CCDC102B: variants seen among roughly 807,000 people sequenced by gnomAD.
The protein encoded by CCDC102B is coiled-coil domain containing 102B, also known as coiled-coil domain-containing protein 102B.
A neutral mutation model predicts 57.4 loss-of-function variants in CCDC102B; 75 were observed. The ratio of observed to expected loss-of-function variants is 1.31; its 90% CI spans 1.08 to 1.58. The LOEUF (loss-of-function observed/expected upper bound fraction) is 1.58, where lower values mean the gene tolerates loss of function less well. Among genes scored for constraint, CCDC102B ranks in the 40% most tolerant of loss-of-function variants. The pLI is 0.00. For missense variants in CCDC102B, 636 were observed against 582.6 expected, an observed-to-expected ratio of 1.09 and a Z score of -0.94; for synonymous variants, 206 against 201.9, an observed-to-expected ratio of 1.02 and a Z score of -0.17.
chr18:68,816,459 CTTTTT>C (rs869077830), intron 1 of CCDC102B, among the ~76,000 whole-genome samples: 81 of 100,594 alleles, frequency 8.1e-4, no homozygotes, highest in African/African-American at 2.6e-3. Flanking sequence ...TATTTCCTTT[CTTTTT>C]TTTTTTTTTT....
At chr18:69,030,731 T>A (rs2052117355) in intron 7 of CCDC102B, among the ~76,000 whole-genome samples, 2 of 152,204 alleles carry the variant, frequency 1.3e-5, no homozygotes, top group South Asian at 4.1e-4. Flanking sequence ...CTCGGCTCAC[T>A]GCAACCTCCA....
At chr18:68,855,081 C>A (rs577962982) in intron 4 of CCDC102B, among the ~76,000 whole-genome samples, 1 of 152,082 alleles carries the variant, frequency 6.6e-6, no homozygotes, top group East Asian at 1.9e-4. Flanking sequence ...TTTAAGACAC[C>A]CCATTAGCAA....
chr18:68,880,357 G>A lies in CCDC102B; in HGVS notation c.1053+5572G>A, dbSNP rs553130013. Among the ~76,000 whole-genome samples, 140 of 152,310 alleles carry A rather than the reference G, an allele frequency of 9.2e-4. 1 individual carries two copies. The highest frequency in any genetic ancestry group is 2.8e-3 in the African/African-American group (115 of 41,584). Reference sequence around the variant, plus strand: ...GCCCGCAAGCACCGCGCGCAGCCCCGGTTCCTGCTCGTGCCTCTCCCTCCA... The same window carrying A: ...GCCCGCAAGCACCGCGCGCAGCCCCAGTTCCTGCTCGTGCCTCTCCCTCCA... On this transcript the variant is annotated intron_variant, in intron 5 of 7. Transcript: ENST00000360242.
At chr18:69,001,174 T>A (rs1004323084) in intron 6 of CCDC102B, among the ~76,000 whole-genome samples, 13 of 152,192 alleles carry the variant, frequency 8.5e-5, no homozygotes, top group Admixed American at 2.6e-4. Flanking sequence ...TCACAATTTT[T>A]ACTCATATTT....
At chr18:68,753,095 G>A (rs1034175588) in intron 2 of CCDC102B, 1 of 151,768 alleles carries the variant, frequency 6.6e-6, no homozygotes, top group African/African-American at 2.4e-5. Context: ...ATATTGTCTA[G>A]TATGTTTATC....
At chr18:68,935,920 C>A (rs1308293578) in intron 6 of CCDC102B, among the ~76,000 whole-genome samples, 1 of 151,874 alleles carries the variant, frequency 6.6e-6, no homozygotes, top group Non-Finnish European at 1.5e-5. Flanking sequence ...CATGTTCATG[C>A]CCCTTCTGCT....
In CCDC102B at chr18:68,763,320, C is replaced by T. The variant is rs1676844; in HGVS notation, c.-67+46726C>T. The stretch of plus-strand genomic sequence containing the variant: ...GGAAAGGGCGCCTGCAATATTTAGA[C>T]GGATTTTTAAAATAAGCTAGATGGA... On this transcript the variant is annotated intron_variant, in intron 2 of 3. Coordinates refer to the CCDC102B transcript ENST00000578970. 8.5e-3 allele frequency among the ~76,000 whole-genome samples: 1,294 copies of T among 152,148 alleles called. 10 individuals are homozygous for T. The highest frequency in any genetic ancestry group is 0.043 in the East Asian group (221 of 5,134).
chr18:68,791,969 G>A (rs1479392333), intron 2 of CCDC102B, among the ~76,000 whole-genome samples: 6 of 152,138 alleles, frequency 3.9e-5, no homozygotes, highest in African/African-American at 1.4e-4. Flanking sequence ...ACAACTAAAT[G>A]TGCTACTGGT....
chr18:68,849,599 G>A (rs115000153), intron 4 of CCDC102B, among the ~76,000 whole-genome samples: 22 of 151,992 alleles, frequency 1.4e-4, no homozygotes, highest in African/African-American at 5.1e-4. Flanking sequence ...ACATTACATC[G>A]GATCGTATTA....
intron 3 of CCDC102B, among the ~76,000 whole-genome samples, chr18:68,840,533 A>G (rs2037582978): frequency 6.6e-6 from 1 of 152,210 alleles, no homozygotes; most frequent in Admixed American, 6.5e-5. Flanking sequence ...TAAATTCCTA[A>G]TAGAGGCAAC....
At chr18:69,040,421 T>C (rs1170757091) in intron 7 of CCDC102B, among the ~76,000 whole-genome samples, 2 of 768 alleles carry the variant, frequency 2.6e-3, no homozygotes, top group Non-Finnish European at 3.6e-3. Flanking sequence ...TGTGTGTGTA[T>C]GTGTGTGTGT....
chr18:69,001,084 A>C (rs1294497196), intron 6 of CCDC102B, among the ~76,000 whole-genome samples: 1 of 152,098 alleles, frequency 6.6e-6, no homozygotes, highest in Non-Finnish European at 1.5e-5. Flanking sequence ...TCAATACATC[A>C]TGCTCTTTCT....
chr18:68,797,433 C>T (rs1287731734), upstream of CCDC102B, among the ~76,000 whole-genome samples: 3 of 151,934 alleles, frequency 2.0e-5, no homozygotes, highest in Admixed American at 6.6e-5. Context: ...CCCCCCTCAA[C>T]CCCCATCAGA....
At chr18:68,920,800 C>T (rs1451761519) in intron 6 of CCDC102B, among the ~76,000 whole-genome samples, 1 of 152,046 alleles carries the variant, frequency 6.6e-6, no homozygotes, top group Non-Finnish European at 1.5e-5. Context: ...ATCACAAGGA[C>T]CACATAGGGG....
chr18:68,956,295 T>G (rs2049844344), intron 6 of CCDC102B, among the ~76,000 whole-genome samples: 1 of 121,952 alleles, frequency 8.2e-6, no homozygotes, highest in Non-Finnish European at 1.6e-5. Flanking sequence ...ATCTCTTTGA[T>G]ATGCTGATTT....
intron 6 of CCDC102B, among the ~76,000 whole-genome samples, chr18:68,984,884 T>G (rs78601093): frequency 0.016 from 2,383 of 152,274 alleles, 49 homozygotes; most frequent in East Asian, 0.099. Flanking sequence ...AAATTCCTTA[T>G]CTAATGGATT....
At chr18:68,786,251 C>T (rs1281440003) in intron 2 of CCDC102B, among the ~76,000 whole-genome samples, 1 of 152,088 alleles carries the variant, frequency 6.6e-6, no homozygotes, top group Non-Finnish European at 1.5e-5. Context: ...ATAGTTTGTT[C>T]AGGTAGTGTG....
chr18:68,947,941 C>G (rs1312278502), intron 6 of CCDC102B, among the ~76,000 whole-genome samples: 2 of 151,792 alleles, frequency 1.3e-5, no homozygotes, highest in East Asian at 1.9e-4. Context: ...GTATTTTTTT[C>G]TTATGTAAGG....
rs147162278 is a variant in CCDC102B, at chr18:68,758,427, G to A, written c.-67+41833G>A. Among the ~76,000 whole-genome samples, 287 of 152,072 alleles carry A rather than the reference G, an allele frequency of 1.9e-3. 5 individuals are homozygous for A. In the East Asian group the frequency reaches 0.043, roughly 23 times the overall value. On this transcript the variant is annotated intron_variant, in intron 2 of 3. Transcript: ENST00000578970. ...TATTATTTAAGATATTTCTTTGAGA[G>A]TAAAGAATTATAATAGATTGTTTAA...
Sources: allele counts gnomAD v4.1 joint callset (sites outside exome capture counted in the v4.1 genomes callset), GRCh38; gene constraint gnomAD v4.1.1; transcripts MANE v1.5; gene names NCBI Gene and HGNC (gene_info 2026-07-23, HGNC 2026-07-21).